Variants in MARCHF1 observed in about 807,000 individuals in gnomAD.
The protein encoded by MARCHF1 is E3 ubiquitin-protein ligase MARCHF1.
Under a neutral mutation model 54.2 loss-of-function variants are expected in MARCHF1, and 40 were observed. The ratio of observed to expected loss-of-function variants is 0.74; its 90% CI spans 0.57 to 0.96. The LOEUF is 0.96. Among genes scored for constraint, MARCHF1 ranks in the 40% least tolerant of loss-of-function variants. The pLI is 0.00. For missense variants in MARCHF1, 586 were observed against 656.5 expected, an observed-to-expected ratio of 0.89 and a Z score of 1.17; for synonymous variants, 236 against 236.3, an observed-to-expected ratio of 1.00 and a Z score of 0.01.
At chr4:164,205,729 A>T (rs976382547) in intron 1 of MARCHF1, among the ~76,000 whole-genome samples, 3 of 146,658 alleles carry the variant, frequency 2.0e-5, no homozygotes, top group South Asian at 4.4e-4. Flanking sequence ...TTGTCTATTT[A>T]AAAAAAAAAA....
At chr4:163,621,158 C>T (rs1364993907) in intron 5 of MARCHF1, among the ~76,000 whole-genome samples, 1 of 152,132 alleles carries the variant, frequency 6.6e-6, no homozygotes, top group South Asian at 2.1e-4. Context: ...GGACACTGAT[C>T]TTGAAATACT....
intron 1 of MARCHF1, among the ~76,000 whole-genome samples, chr4:164,251,964 T>G (rs947414465): frequency 2.6e-5 from 4 of 152,182 alleles, no homozygotes; most frequent in Non-Finnish European, 5.9e-5. Context: ...AATTAATAAT[T>G]TTCATCTTAG....
intron 1 of MARCHF1, among the ~76,000 whole-genome samples, chr4:164,206,950 A>AT (rs1246979538): frequency 1.4e-4 from 21 of 152,268 alleles, no homozygotes; most frequent in Middle Eastern, 3.4e-3. Context: ...AATTGTATTA[A>AT]TTTTATCATT....
intron 8 of MARCHF1, among the ~76,000 whole-genome samples, chr4:163,579,842 T>C (rs1740163069): frequency 6.6e-6 from 1 of 152,146 alleles, no homozygotes; most frequent in African/African-American, 2.4e-5. Context: ...GTTCCTATGA[T>C]AGGGAAATAG....
In MARCHF1 at chr4:163,581,083, T is replaced by C. The variant is rs1379539268; in HGVS notation, c.1191+4666A>G. The stretch of plus-strand genomic sequence containing the variant: ...TCCCAAAGTGCTGGGATTACAGGCG[T>C]GAGCCACCGCGCCCGGCCAGTATTA... On this transcript the variant is annotated intron_variant, in intron 8 of 9. Transcript: ENST00000514618. 4.8e-5 allele frequency among the ~76,000 whole-genome samples: 2 copies of C among 41,774 alleles called. 1 individual carries two copies. The highest frequency in any genetic ancestry group is 1.0e-4 in the Non-Finnish European group (2 of 20,028). 27.4% of individuals were successfully genotyped at this position (41,774 alleles called of 152,430 possible).
intron 4 of MARCHF1, among the ~76,000 whole-genome samples, chr4:163,774,255 GAA>G (rs1402155190): frequency 6.6e-6 from 1 of 152,098 alleles, no homozygotes; most frequent in African/African-American, 2.4e-5. Flanking sequence ...AATAGTAAAA[GAA>G]AAACATTTGC....
chr4:163,539,515 C>G (rs1738656664), intron 9 of MARCHF1, among the ~76,000 whole-genome samples: 1 of 152,222 alleles, frequency 6.6e-6, no homozygotes, highest in African/African-American at 2.4e-5. Context: ...TTGGCTGATT[C>G]AGCTGTAGGT....
chr4:164,190,501 T>C, intron 1 of MARCHF1: 1 of 271,528 alleles, frequency 3.7e-6, no homozygotes, highest in Non-Finnish European at 6.8e-6. Context: ...TCATTAGCAG[T>C]TGCTCACATG....
chr4:163,890,915 TA>T (rs917615875), intron 3 of MARCHF1, among the ~76,000 whole-genome samples: 31 of 152,090 alleles, frequency 2.0e-4, no homozygotes, highest in African/African-American at 6.3e-4. Context: ...TTTCCTAGTA[TA>T]AAAAACTAGT....
intron 1 of MARCHF1, among the ~76,000 whole-genome samples, chr4:164,203,421 AC>A (rs765629675): frequency 3.9e-4 from 59 of 152,078 alleles, no homozygotes; most frequent in Non-Finnish European, 4.1e-4. Flanking sequence ...CAGCCTGGAG[AC>A]TCAGCAAAGA....
chr4:164,202,016 T>C (rs1386770537), intron 1 of MARCHF1, among the ~76,000 whole-genome samples: 1 of 152,248 alleles, frequency 6.6e-6, no homozygotes, highest in African/African-American at 2.4e-5. Context: ...TGTCAGGCTC[T>C]AGGGCTATAG....
chr4:163,845,499 ACAC>A (rs1749460288), intron 4 of MARCHF1, among the ~76,000 whole-genome samples: 1 of 149,436 alleles, frequency 6.7e-6, no homozygotes, highest in South Asian at 2.1e-4. Context: ...ACACACACAC[ACAC>A]ACGTAAGGCC....
intron 5 of MARCHF1, among the ~76,000 whole-genome samples, chr4:163,617,217 T>C (rs565191923): frequency 6.6e-6 from 1 of 152,178 alleles, no homozygotes; most frequent in Non-Finnish European, 1.5e-5. Flanking sequence ...GGAGTAGAAA[T>C]TAGAATTGTG....
intron 2 of MARCHF1, among the ~76,000 whole-genome samples, chr4:164,021,377 C>G (rs1753660791): frequency 6.6e-6 from 1 of 152,134 alleles, no homozygotes; most frequent in Non-Finnish European, 1.5e-5. Flanking sequence ...TGGTGTCCTG[C>G]TGATACTAGT....
chr4:164,175,228 T>C (rs541997747), intron 1 of MARCHF1, among the ~76,000 whole-genome samples: 65 of 152,316 alleles, frequency 4.3e-4, no homozygotes, highest in Non-Finnish European at 7.6e-4. Context: ...AATTATGACT[T>C]TTTATTACAA....
intron 8 of MARCHF1, among the ~76,000 whole-genome samples, chr4:163,558,318 T>C (rs1197771472): frequency 1.3e-5 from 2 of 152,132 alleles, no homozygotes; most frequent in African/African-American, 4.8e-5. Context: ...TTATGACTAT[T>C]TGGGGTAGAA....
chr4:164,025,669 A>T (rs1029117949), intron 2 of MARCHF1, among the ~76,000 whole-genome samples: 1 of 151,702 alleles, frequency 6.6e-6, no homozygotes, highest in African/African-American at 2.4e-5. Flanking sequence ...GAAACTAGAA[A>T]AAAAACAACA....
intron 2 of MARCHF1, among the ~76,000 whole-genome samples, chr4:164,078,546 T>A (rs78059756): frequency 0.012 from 1,617 of 135,336 alleles, 24 homozygotes; most frequent in African/African-American, 0.031. Flanking sequence ...AATTTTTTTT[T>A]AAAAAAGAAC....
At chr4:163,953,903 C>T (rs913877304) in intron 3 of MARCHF1, among the ~76,000 whole-genome samples, 2 of 152,066 alleles carry the variant, frequency 1.3e-5, no homozygotes, top group South Asian at 4.1e-4. Flanking sequence ...AGACACAGAA[C>T]CTAAAATATT....
Sources: allele counts gnomAD v4.1 joint callset (sites outside exome capture counted in the v4.1 genomes callset), GRCh38; gene constraint gnomAD v4.1.1; transcripts MANE v1.5; gene names NCBI Gene and HGNC (gene_info 2026-07-23, HGNC 2026-07-21).